Variants in PARVB observed in about 807,000 individuals in gnomAD.
PARVB encodes the protein parvin beta, also known as beta-parvin.
A neutral mutation model predicts 47.0 loss-of-function variants in PARVB; 46 were observed. The ratio of observed to expected loss-of-function variants is 0.98; its 90% CI spans 0.77 to 1.25. The LOEUF (loss-of-function observed/expected upper bound fraction) is 1.25. PARVB is among the 50% of genes most tolerant of loss of function. The pLI is 0.00. For missense variants in PARVB, 473 were observed against 471.6 expected (o/e 1.00, Z -0.03); for synonymous variants, 196 against 196.3 (o/e 1.00, Z 0.01).
intron 1 of PARVB, among the ~76,000 whole-genome samples, chr22:44,078,893 T>C (rs2051836245): frequency 6.6e-6 from 1 of 151,996 alleles, no homozygotes; most frequent in Admixed American, 6.6e-5. Flanking sequence ...TGCAGCTAAT[T>C]TTTTTGTATT....
chr22:44,127,211 A>T (rs1324904561), intron 4 of PARVB, among the ~76,000 whole-genome samples: 1 of 152,132 alleles, frequency 6.6e-6, no homozygotes, highest in Non-Finnish European at 1.5e-5. Context: ...AGGCAATTCT[A>T]AAATCTCTTG....
At chr22:44,002,962 A>G (rs2050427936) in intron 2 of PARVB, among the ~76,000 whole-genome samples, 1 of 152,226 alleles carries the variant, frequency 6.6e-6, no homozygotes, top group Non-Finnish European at 1.5e-5. Flanking sequence ...TTCATGCAAA[A>G]GGAGATTCAG....
At chr22:44,099,025 G>T (rs1210926985) in intron 2 of PARVB, among the ~76,000 whole-genome samples, 1 of 152,118 alleles carries the variant, frequency 6.6e-6, no homozygotes, top group Non-Finnish European at 1.5e-5. Flanking sequence ...CCAGCCCCAT[G>T]GGAGCCTGTC....
chr22:44,106,194 G>T (rs2052565062), intron 3 of PARVB: 1 of 150,240 alleles, frequency 6.7e-6, no homozygotes, highest in South Asian at 2.1e-4. Context: ...GAGATGGCAG[G>T]GAGGAGGCTC....
At chr22:44,060,641 G>A (rs927907509) in intron 1 of PARVB, among the ~76,000 whole-genome samples, 3 of 151,876 alleles carry the variant, frequency 2.0e-5, no homozygotes, top group Admixed American at 6.6e-5. Context: ...GAATACACCC[G>A]GGTTCTTTGG....
At chr22:44,092,156 G>C (rs1372206332) in intron 1 of PARVB, among the ~76,000 whole-genome samples, 1 of 152,114 alleles carries the variant, frequency 6.6e-6, no homozygotes, top group African/African-American at 2.4e-5. Context: ...CTGTCACCAG[G>C]CTGGAGTGCA....
intron 2 of PARVB, among the ~76,000 whole-genome samples, chr22:44,008,060 T>C (rs2050484380): frequency 1.3e-5 from 2 of 152,176 alleles, no homozygotes; most frequent in East Asian, 3.9e-4. Flanking sequence ...CAGTGGACGT[T>C]TGGGTTGTTT....
rs188095466 is a variant in PARVB, at chr22:44,058,985, G to T, written c.112+34534G>T. Among the ~76,000 whole-genome samples the T allele has an allele frequency of 2.0e-4, 30 of 151,764 alleles. No individual in the cohort carries two copies. The East Asian group carries it at 5.2e-3, about 27-fold the overall frequency. On this transcript the variant is annotated intron_variant, in intron 1 of 12. Transcript: ENST00000338758. Reference sequence around the variant, plus strand: ...TTTCATAGATGAGGGTGTGATGGGGGGGGGAAACAGAAGCAGAGTTGATTG... The same window carrying T: ...TTTCATAGATGAGGGTGTGATGGGGTGGGGAAACAGAAGCAGAGTTGATTG...
chr22:44,048,099 C>G (rs2051145870), intron 1 of PARVB, among the ~76,000 whole-genome samples: 1 of 152,142 alleles, frequency 6.6e-6, no homozygotes, highest in African/African-American at 2.4e-5. Context: ...GCAGGCAGAA[C>G]AGATGCGCGG....
At chr22:44,111,317 G>A (rs2052690496) in intron 3 of PARVB, 1 of 152,016 alleles carries the variant, frequency 6.6e-6, no homozygotes, top group African/African-American at 2.4e-5. Context: ...TAAAACTCTG[G>A]TGGAGCTGGG....
At chr22:44,122,854 T>G (rs1327528387) in intron 4 of PARVB, among the ~76,000 whole-genome samples, 2 of 152,258 alleles carry the variant, frequency 1.3e-5, no homozygotes, top group Non-Finnish European at 2.9e-5. Flanking sequence ...ATGGCTGCAT[T>G]GTACTCCACT....
intron 2 of PARVB, chr22:44,010,668 T>C (rs905198736): frequency 3.7e-4 from 57 of 152,310 alleles, no homozygotes; most frequent in African/African-American, 1.3e-3. Flanking sequence ...CTATTAGGAC[T>C]TTCAGGTAAA....
At chr22:44,106,332 C>A (rs1289237457) in intron 3 of PARVB, 1 of 152,082 alleles carries the variant, frequency 6.6e-6, no homozygotes, top group African/African-American at 2.4e-5. Context: ...TCCACATTAC[C>A]TGCGTAATTC....
At chr22:44,085,634 A>G (rs1243197715) in intron 1 of PARVB, among the ~76,000 whole-genome samples, 1 of 152,192 alleles carries the variant, frequency 6.6e-6, no homozygotes, top group Non-Finnish European at 1.5e-5. Context: ...AAAAAATCTC[A>G]ACACCATGCT....
intron 1 of PARVB, among the ~76,000 whole-genome samples, chr22:44,027,979 G>A (rs1435220194): frequency 1.4e-5 from 2 of 147,428 alleles, no homozygotes; most frequent in African/African-American, 5.0e-5. Flanking sequence ...ATATATTGAC[G>A]TATATTTTTA....
At chr22:44,026,283 C>T (rs2050727095) in intron 1 of PARVB, 1 of 983,146 alleles carries the variant, frequency 1.0e-6, no homozygotes, top group Non-Finnish European at 1.2e-6. Context: ...CCAAGAATTC[C>T]GGTAGCAGGA....
intron 1 of PARVB, among the ~76,000 whole-genome samples, chr22:44,044,278 C>A (rs1229711456): frequency 1.3e-5 from 2 of 150,444 alleles, no homozygotes; most frequent in Non-Finnish European, 3.0e-5. Flanking sequence ...GTAAGCTCTG[C>A]CTCCTGGGTT....
At chr22:44,156,451 G>A (rs2053936533) in intron 10 of PARVB, among the ~76,000 whole-genome samples, 1 of 151,966 alleles carries the variant, frequency 6.6e-6, no homozygotes, top group African/African-American at 2.4e-5. Flanking sequence ...GCTAATTTTT[G>A]TATTTTTACT....
In PARVB at chr22:44,170,969, AT is replaced by A. The variant is rs1601719104; in HGVS notation, c.*2294del. On this transcript the variant is annotated 3_prime_UTR_variant, in exon 13 of 13. Coordinates refer to ENST00000338758, the MANE Select transcript of PARVB (RefSeq NM_013327.5). ...CAGAATAGCCATTTTGATGGAGGTG[AT>A]TTCCCAGCAGGGGAAAGAAATAATT... The A allele has an allele frequency of 6.6e-6, 1 of 152,200 alleles. No homozygotes were observed. The highest frequency in any genetic ancestry group is 1.9e-4 in the East Asian group (1 of 5,202). The allele number at this position is 152,200 out of a possible 1,614,324, so 9.4% of individuals were successfully genotyped here.
Sources: gnomAD v4.1 joint callset for allele counts (sites outside exome capture counted in the v4.1 genomes callset) on GRCh38, gnomAD v4.1.1 for gene constraint, MANE v1.5 for transcripts, NCBI Gene and HGNC (gene_info 2026-07-23, HGNC 2026-07-21) for gene names.